Variants in EPHA5 observed in about 807,000 individuals in gnomAD.
EPHA5 encodes ephrin type-A receptor 5.
A neutral mutation model predicts 105.0 loss-of-function variants in EPHA5; 60 were observed. That is an observed-to-expected ratio of 0.57 (90% confidence interval 0.46 to 0.71). The LOEUF (loss-of-function observed/expected upper bound fraction) is 0.71. Ranked by LOEUF, EPHA5 falls within the 30% of genes least tolerant of loss-of-function variation. The pLI, the probability that EPHA5 is intolerant of heterozygous loss-of-function variation, is 0.00. For synonymous variants in EPHA5, 513 were observed against 449.1 expected, an observed-to-expected ratio of 1.14 and a Z score of -1.80; for missense variants, 1,218 against 1,274.7, an observed-to-expected ratio of 0.96 and a Z score of 0.68.
chr4:65,371,123 A>T (rs1718425753), intron 8 of EPHA5, among the ~76,000 whole-genome samples: 1 of 152,006 alleles, frequency 6.6e-6, no homozygotes. Flanking sequence ...CTATTTTTTT[A>T]AATTTTGTTT....
intron 3 of EPHA5, among the ~76,000 whole-genome samples, chr4:65,588,418 C>T (rs1471225687): frequency 6.6e-6 from 1 of 152,242 alleles, no homozygotes; most frequent in African/African-American, 2.4e-5. Flanking sequence ...CCTCAGCTTT[C>T]GTTCCATTCC....
chr4:65,527,512 G>A (rs1323663929), intron 3 of EPHA5, among the ~76,000 whole-genome samples: 1 of 152,088 alleles, frequency 6.6e-6, no homozygotes, highest in African/African-American at 2.4e-5. Flanking sequence ...ATAAGAAGTA[G>A]AGTCTCTACT....
At chr4:65,451,197 T>C (rs933208226) in intron 5 of EPHA5, among the ~76,000 whole-genome samples, 2 of 152,082 alleles carry the variant, frequency 1.3e-5, no homozygotes, top group Non-Finnish European at 2.9e-5. Context: ...ATACATTGAC[T>C]GGTCAAAAAG....
intron 5 of EPHA5, among the ~76,000 whole-genome samples, chr4:65,472,272 C>T (rs1578194563): frequency 6.6e-6 from 1 of 152,254 alleles, no homozygotes; most frequent in Middle Eastern, 3.4e-3. Flanking sequence ...GCTCTTATAG[C>T]TTTGGGAAGC....
chr4:65,364,989 C>T (rs761951513), intron 11 of EPHA5, 28 bp downstream of exon 11: 2 of 1,592,636 alleles, frequency 1.3e-6, no homozygotes, highest in Non-Finnish European at 1.7e-6. Flanking sequence ...GATATGCACA[C>T]ACATGTATAA....
chr4:65,363,441 TA>T (rs1717533814), intron 11 of EPHA5, among the ~76,000 whole-genome samples: 1 of 151,606 alleles, frequency 6.6e-6, no homozygotes, highest in Non-Finnish European at 1.5e-5. Flanking sequence ...TCTTGACTAT[TA>T]TGTAACGTGG....
chr4:65,460,567 A>T (rs1728028532), intron 5 of EPHA5, among the ~76,000 whole-genome samples: 2 of 151,506 alleles, frequency 1.3e-5, no homozygotes, highest in South Asian at 4.1e-4. Flanking sequence ...AAAGTAAAAA[A>T]GTCAAAAGTA....
chr4:65,662,666 A>T (rs1345264207), intron 1 of EPHA5, among the ~76,000 whole-genome samples: 2 of 152,186 alleles, frequency 1.3e-5, no homozygotes, highest in Non-Finnish European at 2.9e-5. Context: ...CTTCAGGGTC[A>T]TAGTAAAACA....
At chr4:65,605,743 T>C (rs1744168932) in intron 2 of EPHA5, among the ~76,000 whole-genome samples, 1 of 152,054 alleles carries the variant, frequency 6.6e-6, no homozygotes, top group African/African-American at 2.4e-5. Context: ...GTATGGGTCT[T>C]GTATAGAAGA....
intron 14 of EPHA5, among the ~76,000 whole-genome samples, chr4:65,340,873 G>A (rs1721646403): frequency 6.6e-6 from 1 of 152,090 alleles, no homozygotes; most frequent in African/African-American, 2.4e-5. Context: ...ATGTGCACCT[G>A]CATAAAGCTT....
At position 65,321,563 on chromosome 4, in the gene EPHA5, C is replaced by T; in HGVS notation, c.*2551G>A. 4.4e-6 allele frequency: 1 copy of T among 229,216 alleles called. No individual in the cohort carries two copies. The highest frequency in any genetic ancestry group is 8.7e-6 in the Non-Finnish European group (1 of 115,448). 14.2% of individuals were successfully genotyped at this position (229,216 alleles called of 1,614,324 possible). A position where few individuals can be genotyped will look rare whatever the true frequency, so the allele number is the denominator to read the frequency against. On this transcript the variant is annotated 3_prime_UTR_variant, in exon 17 of 17. Transcript: ENST00000613740. ...GTCATATTAACCTTCCTTAGAAATT[C>T]TCAACCAAATTGAGATGCAAAAGAA...
chr4:65,430,961 C>T (rs774887281), intron 5 of EPHA5, among the ~76,000 whole-genome samples: 4 of 152,102 alleles, frequency 2.6e-5, no homozygotes, highest in East Asian at 1.9e-4. Flanking sequence ...CATTCTGTGA[C>T]GTGTAATTGT....
chr4:65,665,287 G>A (rs1749872170), intron 1 of EPHA5, among the ~76,000 whole-genome samples: 1 of 151,900 alleles, frequency 6.6e-6, no homozygotes, highest in South Asian at 2.1e-4. Flanking sequence ...AAGCACTCCA[G>A]ACAAAGGAGA....
At chr4:65,638,275 A>G (rs1034941192) in intron 2 of EPHA5, among the ~76,000 whole-genome samples, 46 of 152,192 alleles carry the variant, frequency 3.0e-4, no homozygotes, top group Non-Finnish European at 5.4e-4. Context: ...ATGCCAGGCA[A>G]TATCTCCACA....
intron 5 of EPHA5, among the ~76,000 whole-genome samples, chr4:65,425,148 T>A (rs540155697): frequency 6.6e-6 from 1 of 152,296 alleles, no homozygotes; most frequent in African/African-American, 2.4e-5. Flanking sequence ...CTTTTCAGTC[T>A]ATGACAGTCC....
intron 5 of EPHA5, among the ~76,000 whole-genome samples, chr4:65,486,135 A>G (rs1366633091): frequency 6.6e-6 from 1 of 152,144 alleles, no homozygotes; most frequent in Non-Finnish European, 1.5e-5. Context: ...TATTTTTATA[A>G]TAAGAAAACC....
In EPHA5 at chr4:65,643,399, C is replaced by T. The variant is rs2149514841; in HGVS notation, c.210G>A (p.Met70Ile). 6.2e-6 allele frequency: 10 copies of T among 1,613,076 alleles called. No homozygotes were observed. Among genetic ancestry groups the T allele is most frequent in the Non-Finnish European group, 8.5e-6 (10 of 1,179,314 alleles). Residue 70 changes from methionine to isoleucine, a missense_variant, in exon 2 of 17, where the codon ATG becomes ATA. Met to Ile is a conservative substitution (Grantham distance 10). Around this residue, in one of 3 missense-constraint regions of EPHA5, gnomAD observed 233 missense variants for 227.5 expected, o/e 1.02. Coordinates refer to ENST00000613740, the MANE Select transcript of EPHA5 (RefSeq NM_001281766.3). ...GAAAAGCAATCCATCCCAGGTCCCC[C>T]ATGACAGTGCGTGAATCCAATAAAT... ...EVNLLDSRTV[M>I]GDLGWIAFPK...
chr4:65,445,788 CA>C (rs2149095553), intron 5 of EPHA5, among the ~76,000 whole-genome samples: 1 of 152,272 alleles, frequency 6.6e-6, no homozygotes, highest in African/African-American at 2.4e-5. Context: ...CAAACTACTT[CA>C]AATCCACATA....
chr4:65,564,174 A>AT (rs1161443282), intron 3 of EPHA5, among the ~76,000 whole-genome samples: 1 of 151,922 alleles, frequency 6.6e-6, no homozygotes, highest in Non-Finnish European at 1.5e-5. Context: ...CAAGATAATC[A>AT]TTTTTCTTGC....
Sources: allele counts gnomAD v4.1 joint callset (sites outside exome capture counted in the v4.1 genomes callset), GRCh38; gene constraint gnomAD v4.1.1; regional missense constraint gnomAD v4.1.1; transcripts MANE v1.5; gene names NCBI Gene and HGNC (gene_info 2026-07-23, HGNC 2026-07-21).